The following DMD variants were observed in gnomAD, a reference collection of about 807,000 sequenced individuals.
DMD encodes the protein mutant dystrophin.
DMD carries 63 observed loss-of-function variants against 330.1 expected under a neutral mutation model. That is an observed-to-expected ratio of 0.19 (90% CI 0.16 to 0.24). The LOEUF (loss-of-function observed/expected upper bound fraction) is 0.24, where lower values mean the gene tolerates loss of function less well. Ranked by LOEUF, DMD falls within the 10% of genes least tolerant of loss-of-function variation. DMD has a pLI of 1.00. For synonymous variants in DMD, 1,223 were observed against 959.8 expected, an observed-to-expected ratio of 1.27 and a Z score of -5.07; for missense variants, 3,344 against 2,684.1, an observed-to-expected ratio of 1.25 and a Z score of -5.43.
intron 30 of DMD, among the ~76,000 whole-genome samples, chrX:32,398,891 AAC>A (rs1366062105): frequency 9.0e-6 from 1 of 111,379 alleles, no homozygotes; most frequent in Non-Finnish European, 1.9e-5. Flanking sequence ...CTTAAGCGCA[AAC>A]ACACAGCCCA....
chrX:31,492,052 A>T (rs941108793), intron 57 of DMD, among the ~76,000 whole-genome samples: 6 of 112,197 alleles, frequency 5.3e-5, no homozygotes, highest in East Asian at 2.8e-4. Flanking sequence ...ATGACTTTTT[A>T]AAAAAGTGGC....
At chrX:32,614,857 G>T (rs969394879) in intron 11 of DMD, among the ~76,000 whole-genome samples, 17 of 110,272 alleles carry the variant, frequency 1.5e-4, no homozygotes, top group Non-Finnish European at 2.7e-4. Flanking sequence ...CCATCCCTGT[G>T]AATATGATCT....
intron 29 of DMD, among the ~76,000 whole-genome samples, chrX:32,428,803 G>A (rs1360088863): frequency 6.3e-5 from 7 of 111,000 alleles, no homozygotes; most frequent in African/African-American, 1.6e-4. Flanking sequence ...GCAGAGACGG[G>A]GTTTCACCAT....
chrX:31,808,582 T>C (rs943334789), intron 50 of DMD, among the ~76,000 whole-genome samples: 2 of 111,827 alleles, frequency 1.8e-5, no homozygotes, highest in Middle Eastern at 4.6e-3. Flanking sequence ...AGGCAGCAAA[T>C]TGAATCTGAA....
At chrX:32,558,403 G>A (rs1221936215) in intron 16 of DMD, among the ~76,000 whole-genome samples, 1 of 111,823 alleles carries the variant, frequency 8.9e-6, no homozygotes, top group African/African-American at 3.2e-5. Flanking sequence ...AAAAAGACTT[G>A]TATTTGTCTT....
Position 31,457,930 on chromosome X carries a change from T to C in DMD, c.8938-13303A>G, listed in dbSNP as rs12009563. ...TACACAGAAGAGGGCTAAAAAGGAT[T>C]GCAAAAACGTCCTTTAATATCCAAT... On this transcript the variant is annotated intron_variant, in intron 59 of 78. Transcript: ENST00000357033. 1.7e-3 allele frequency among the ~76,000 whole-genome samples: 185 copies of C among 111,893 alleles called. 1 individual carries two copies. The highest frequency in any genetic ancestry group is 5.4e-3 in the African/African-American group (167 of 30,901).
intron 47 of DMD, among the ~76,000 whole-genome samples, chrX:31,880,495 G>GA (rs2094043946): frequency 2.7e-5 from 3 of 111,820 alleles, no homozygotes; most frequent in Admixed American, 9.5e-5. Flanking sequence ...CAATAAACAA[G>GA]AAAAAATCCA....
At chrX:32,998,814 A>G (rs1218045390) in intron 2 of DMD, among the ~76,000 whole-genome samples, 2 of 112,091 alleles carry the variant, frequency 1.8e-5, no homozygotes, top group African/African-American at 3.2e-5. Context: ...TGAACAATGT[A>G]AAGAATTTCT....
chrX:31,344,875 A>ACACG (rs762624314), intron 61 of DMD, among the ~76,000 whole-genome samples: 72 of 111,044 alleles, frequency 6.5e-4, no homozygotes, highest in African/African-American at 2.3e-3. Flanking sequence ...ACACACACAC[A>ACACG]CACGCAACCA....
intron 52 of DMD, among the ~76,000 whole-genome samples, chrX:31,721,704 C>A (rs1463127763): frequency 0.079 from 3,905 of 49,735 alleles, 109 homozygotes; most frequent in South Asian, 0.095. Context: ...CTCTCTCTCT[C>A]TCTCTCTCTC....
chrX:31,346,132 C>T (rs1178654669), intron 61 of DMD, among the ~76,000 whole-genome samples: 1 of 111,091 alleles, frequency 9.0e-6, no homozygotes, highest in African/African-American at 3.3e-5. Context: ...GAATTACTTC[C>T]TCTCTATAAA....
chrX:32,683,026 T>A (rs749810437), intron 9 of DMD, among the ~76,000 whole-genome samples: 1 of 111,682 alleles, frequency 9.0e-6, no homozygotes, highest in South Asian at 3.7e-4. Flanking sequence ...ATAGTGAAAT[T>A]TAATAACCAG....
intron 43 of DMD, among the ~76,000 whole-genome samples, chrX:32,265,444 C>A (rs1234855163): frequency 1.8e-5 from 2 of 112,571 alleles, no homozygotes; most frequent in African/African-American, 3.2e-5. Context: ...CAGAGAGAAC[C>A]TCTACTAGGT....
chrX:31,402,848 G>C (rs923060347), intron 60 of DMD, among the ~76,000 whole-genome samples: 1 of 111,599 alleles, frequency 9.0e-6, no homozygotes, highest in South Asian at 3.8e-4. Context: ...AATGGAAAGA[G>C]TGATTAACGT....
At chrX:32,703,329 C>T (rs888916462) in intron 7 of DMD, among the ~76,000 whole-genome samples, 3 of 111,220 alleles carry the variant, frequency 2.7e-5, no homozygotes, top group Non-Finnish European at 5.7e-5. Flanking sequence ...GTTTGTTGAA[C>T]CTTAATACCA....
chrX:33,129,325 CTTTT>C (rs58505662), intron 1 of DMD, among the ~76,000 whole-genome samples: 59 of 30,708 alleles, frequency 1.9e-3, no homozygotes, highest in South Asian at 8.4e-3. Flanking sequence ...TTAAGGTTTG[CTTTT>C]TTTTTTTTTT....
intron 2 of DMD, among the ~76,000 whole-genome samples, chrX:33,010,285 T>A (rs2093672339): frequency 9.2e-6 from 1 of 108,834 alleles, no homozygotes; most frequent in Non-Finnish European, 1.9e-5. Flanking sequence ...TGTACATATA[T>A]GTGTGTAAAT....
chrX:31,743,126 C>A (rs754201646), intron 51 of DMD, among the ~76,000 whole-genome samples: 2 of 111,699 alleles, frequency 1.8e-5, no homozygotes, highest in East Asian at 5.6e-4. Flanking sequence ...CAGAGAAATG[C>A]AAATCAAAAC....
intron 30 of DMD, among the ~76,000 whole-genome samples, chrX:32,399,436 C>CT (rs890510368): frequency 5.4e-5 from 6 of 111,023 alleles, no homozygotes; most frequent in African/African-American, 1.6e-4. Context: ...TCTGAATAGA[C>CT]TTTTTTTTGA....
Sources: allele counts gnomAD v4.1 joint callset (sites outside exome capture counted in the v4.1 genomes callset), GRCh38; gene constraint gnomAD v4.1.1; transcripts MANE v1.5; gene names NCBI Gene and HGNC (gene_info 2026-07-23, HGNC 2026-07-21).